PPP2R2B: variants seen among roughly 807,000 people sequenced by gnomAD.
PPP2R2B encodes protein phosphatase 2 regulatory subunit Bbeta.
In PPP2R2B, 5 loss-of-function variants were observed where a neutral mutation model predicts 46.0. The observed-to-expected ratio is 0.11, with a 90% CI of 0.06 to 0.23. PPP2R2B has a LOEUF of 0.23. PPP2R2B is among the 10% of genes least tolerant of loss of function. The pLI is 1.00. For synonymous variants in PPP2R2B, 215 were observed against 206.7 expected (o/e 1.04, Z -0.34); for missense variants, 367 against 575.0 (o/e 0.64, Z 3.70).
chr5:146,666,682 A>G (rs945810846), intron 5 of PPP2R2B, among the ~76,000 whole-genome samples: 1 of 152,204 alleles, frequency 6.6e-6, no homozygotes, highest in Non-Finnish European at 1.5e-5. Context: ...ACCAAGACTC[A>G]GCCTCCAATC....
intron 1 of PPP2R2B, among the ~76,000 whole-genome samples, chr5:146,891,374 T>C (rs1182129020): frequency 6.6e-6 from 1 of 152,266 alleles, no homozygotes; most frequent in African/African-American, 2.4e-5. Flanking sequence ...ATGTTTGCTC[T>C]TGGTATTAGG....
In PPP2R2B at chr5:146,950,834, A is replaced by T. The variant is rs377263980; in HGVS notation, c.79+104831T>A. Among the ~76,000 whole-genome samples, 6 of 152,192 alleles carry T rather than the reference A, an allele frequency of 3.9e-5. No homozygotes were observed. In the East Asian group the frequency reaches 1.2e-3, roughly 29 times the overall value. ...ATTAATGCTGTTAGCACAAAATAGGATACAAACAACATAGGTATGCCATTT... is the reference window on the plus strand; with the variant it reads ...ATTAATGCTGTTAGCACAAAATAGGTTACAAACAACATAGGTATGCCATTT... On this transcript the variant is annotated intron_variant, in intron 1 of 8. Coordinates refer to the PPP2R2B transcript ENST00000336640.
intron 2 of PPP2R2B, among the ~76,000 whole-genome samples, chr5:146,862,723 G>T (rs1031501663): frequency 3.3e-5 from 5 of 151,580 alleles, no homozygotes; most frequent in African/African-American, 4.9e-5. Context: ...GGAGAAAACT[G>T]TGAACAGACT....
intron 2 of PPP2R2B, among the ~76,000 whole-genome samples, chr5:146,824,221 G>A (rs962068715): frequency 6.6e-6 from 1 of 152,182 alleles, no homozygotes; most frequent in African/African-American, 2.4e-5. Context: ...TATTCCAAAA[G>A]CCTAGAACAT....
At chr5:146,655,974 C>A (rs1372545537) in intron 5 of PPP2R2B, among the ~76,000 whole-genome samples, 4 of 152,116 alleles carry the variant, frequency 2.6e-5, no homozygotes, top group Non-Finnish European at 4.4e-5. Flanking sequence ...AGAGGAGAGA[C>A]AGCAAAGTAT....
chr5:146,740,610 C>T (rs1364465576), intron 2 of PPP2R2B, among the ~76,000 whole-genome samples: 2 of 146,508 alleles, frequency 1.4e-5, no homozygotes, highest in Non-Finnish European at 3.0e-5. Context: ...CACACACACA[C>T]ACACACACAC....
chr5:146,790,133 A>T (rs1469103445), intron 2 of PPP2R2B, among the ~76,000 whole-genome samples: 1 of 152,224 alleles, frequency 6.6e-6, no homozygotes, highest in Non-Finnish European at 1.5e-5. Flanking sequence ...CTGTGTATGA[A>T]TGTAAAACTA....
At chr5:147,019,543 A>C (rs945427090) in intron 1 of PPP2R2B, among the ~76,000 whole-genome samples, 3 of 152,158 alleles carry the variant, frequency 2.0e-5, no homozygotes, top group Non-Finnish European at 4.4e-5. Context: ...AACCTGGTGA[A>C]GTGAGATCTA....
intron 5 of PPP2R2B, among the ~76,000 whole-genome samples, chr5:146,666,899 T>C (rs1220672630): frequency 2.6e-5 from 4 of 152,216 alleles, no homozygotes; most frequent in South Asian, 2.1e-4. Flanking sequence ...TGAAGTAATA[T>C]ACCAAGTTGA....
At chr5:146,993,687 A>G (rs191943655) in intron 1 of PPP2R2B, among the ~76,000 whole-genome samples, 202 of 152,338 alleles carry the variant, frequency 1.3e-3, no homozygotes, top group Non-Finnish European at 2.1e-3. Flanking sequence ...TGATGGCTAT[A>G]GTAACTACCT....
chr5:146,636,694 T>C (rs190130517), intron 7 of PPP2R2B, among the ~76,000 whole-genome samples: 3 of 152,316 alleles, frequency 2.0e-5, no homozygotes, highest in East Asian at 3.9e-4. Flanking sequence ...ATAATATAAG[T>C]ACTCACTGAA....
chr5:147,034,435 C>G (rs997156537), intron 1 of PPP2R2B, among the ~76,000 whole-genome samples: 18 of 152,028 alleles, frequency 1.2e-4, no homozygotes, highest in African/African-American at 4.3e-4. Context: ...AAATAATGAC[C>G]CATAGTAGGT....
chr5:146,858,968 A>C (rs1195525944), intron 2 of PPP2R2B, among the ~76,000 whole-genome samples: 1 of 152,136 alleles, frequency 6.6e-6, no homozygotes, highest in Non-Finnish European at 1.5e-5. Context: ...TTGTTCTAAA[A>C]ATGTTAGTGG....
At chr5:147,023,408 A>G (rs1341800423) in intron 1 of PPP2R2B, among the ~76,000 whole-genome samples, 1 of 152,228 alleles carries the variant, frequency 6.6e-6, no homozygotes, top group Non-Finnish European at 1.5e-5. Context: ...AAATTTAAAA[A>G]TGGAATGAGC....
chr5:146,845,409 C>A (rs1003804433), intron 2 of PPP2R2B, among the ~76,000 whole-genome samples: 4 of 150,004 alleles, frequency 2.7e-5, no homozygotes, highest in African/African-American at 9.8e-5. Flanking sequence ...AGGTTCATGC[C>A]TGGCTAAATT....
intron 2 of PPP2R2B, among the ~76,000 whole-genome samples, chr5:146,753,634 C>T (rs761828303): frequency 6.6e-5 from 10 of 151,994 alleles, no homozygotes; most frequent in East Asian, 1.9e-4. Context: ...GTCTGATGCT[C>T]GGTTTTAAAC....
chr5:146,979,558 AACACACACACACAC>A (rs34864782), intron 1 of PPP2R2B, among the ~76,000 whole-genome samples: 3 of 137,270 alleles, frequency 2.2e-5, no homozygotes, highest in African/African-American at 5.3e-5. Flanking sequence ...CCCACCTTGA[AACACACACACACAC>A]ACACACACAC....
chr5:146,825,004 G>A (rs1007807632), intron 2 of PPP2R2B, among the ~76,000 whole-genome samples: 4 of 152,146 alleles, frequency 2.6e-5, no homozygotes, highest in South Asian at 2.1e-4. Context: ...GATTACAGGC[G>A]TGAGCCACCG....
intron 5 of PPP2R2B, among the ~76,000 whole-genome samples, chr5:146,686,465 AG>A (rs1431426850): frequency 2.0e-5 from 3 of 152,256 alleles, no homozygotes; most frequent in African/African-American, 7.2e-5. Context: ...AGAGAAAAAT[AG>A]AACCTAACCG....
Sources: gnomAD v4.1 joint callset for allele counts (sites outside exome capture counted in the v4.1 genomes callset) on GRCh38, gnomAD v4.1.1 for gene constraint, MANE v1.5 for transcripts, NCBI Gene and HGNC (gene_info 2026-07-23, HGNC 2026-07-21) for gene names.